The following NLRC4 variants were observed in gnomAD, a reference collection of about 807,000 sequenced individuals.
The protein encoded by NLRC4 is NLR family CARD domain containing 4, also known as NLR family CARD domain-containing protein 4.
A neutral mutation model predicts 79.9 loss-of-function variants in NLRC4; 63 were observed. The ratio of observed to expected loss-of-function variants is 0.79; its 90% CI spans 0.64 to 0.97. The LOEUF (loss-of-function observed/expected upper bound fraction) is 0.97. NLRC4 is among the 50% of genes least tolerant of loss of function. The pLI, the probability that NLRC4 is intolerant of heterozygous loss-of-function variation, is 0.00. For missense variants in NLRC4, 1,074 were observed against 1,215.2 expected, an observed-to-expected ratio of 0.88 and a Z score of 1.73; for synonymous variants, 461 against 456.5, an observed-to-expected ratio of 1.01 and a Z score of -0.12.
At chr2:32,256,481 C>G (rs1289030815) in intron 2 of NLRC4, among the ~76,000 whole-genome samples, 2 of 152,124 alleles carry the variant, frequency 1.3e-5, no homozygotes, top group Non-Finnish European at 2.9e-5. Flanking sequence ...TGTTTCTTCA[C>G]AATGAGCTTG....
intron 8 of NLRC4, among the ~76,000 whole-genome samples, chr2:32,226,190 T>C (rs1686391541): frequency 6.6e-6 from 1 of 152,200 alleles, no homozygotes. Context: ...GTCAACCTAG[T>C]TATGCACTGA....
chr2:32,241,504 G>C (rs1314773794), intron 4 of NLRC4, among the ~76,000 whole-genome samples: 2 of 151,010 alleles, frequency 1.3e-5, no homozygotes, highest in South Asian at 2.1e-4. Flanking sequence ...AGCCTCCCAA[G>C]TAGCTGGGAC....
At chr2:32,257,175 T>C (rs185349442) in intron 1 of NLRC4, among the ~76,000 whole-genome samples, 2 of 152,332 alleles carry the variant, frequency 1.3e-5, no homozygotes, top group Admixed American at 1.3e-4. Flanking sequence ...TGGAATTAAA[T>C]GTCAAAAGAC....
chr2:32,248,177 C>A (rs1686983294), intron 4 of NLRC4, among the ~76,000 whole-genome samples: 1 of 152,154 alleles, frequency 6.6e-6, no homozygotes, highest in Non-Finnish European at 1.5e-5. Flanking sequence ...AACTATATAT[C>A]TAACATTTTC....
chr2:32,264,919 T>G (rs1433683323), upstream of NLRC4: 1 of 152,128 alleles, frequency 6.6e-6, no homozygotes, highest in East Asian at 1.9e-4. Context: ...TTTTTTTTTT[T>G]TCAAAGCACA....
chr2:32,251,349 C>G lies in NLRC4; in HGVS notation c.515G>C (p.Gly172Ala). The change falls in exon 4 of 9, where the codon GGC (glycine) becomes GCC (alanine). Residue 172 changes from glycine to alanine, a missense_variant. Coordinates refer to ENST00000402280, the MANE Select transcript of NLRC4 (RefSeq NM_001199138.2). ...CTGCAGCAGAGTGGACTTGCCTTTG[C>G]CAGATTCCCCTTCAATGATGCAGGG... Reference protein sequence around the residue: ...QSPCIIEGESGKGKSTLLQRI... With the variant: ...QSPCIIEGESAKGKSTLLQRI... 6.2e-7 allele frequency: 1 copy of G among 1,614,112 alleles called. No homozygotes were observed.
chr2:32,246,754 ATTC>A (rs1156703912), intron 4 of NLRC4, among the ~76,000 whole-genome samples: 1 of 152,228 alleles, frequency 6.6e-6, no homozygotes, highest in African/African-American at 2.4e-5. Flanking sequence ...GTTAGACAAT[ATTC>A]CCCAAATCTT....
chr2:32,260,306 G>A (rs944252689), intron 1 of NLRC4, among the ~76,000 whole-genome samples: 4 of 151,520 alleles, frequency 2.6e-5, no homozygotes, highest in African/African-American at 9.7e-5. Context: ...TCAGATTGGG[G>A]CTATCATAAA....
rs755136654 is a variant in NLRC4, at chr2:32,251,083, T to A, written c.781A>T (p.Ile261Phe). 6 of 1,614,036 alleles carry A rather than the reference T, an allele frequency of 3.7e-6. No homozygotes were observed. The East Asian group carries it at 1.3e-4, about 36-fold the overall frequency. The change falls in exon 4 of 9, where the codon ATC becomes TTC. Residue 261 changes from isoleucine to phenylalanine, a missense_variant. Physicochemically the swap from Ile to Phe is conservative, Grantham distance 21 (BLOSUM62 0). Transcript: ENST00000402280. ...TGGTTTTCCTTTATCAGGGCTTCGATTTCTGGGCAGTTCTGGGGCTTGAAT... is the reference window on the plus strand; with the variant it reads ...TGGTTTTCCTTTATCAGGGCTTCGAATTCTGGGCAGTTCTGGGGCTTGAAT... ...NEFKPQNCPE[I>F]EALIKENHRF...
At chr2:32,242,413 G>A (rs1034150994) in intron 4 of NLRC4, among the ~76,000 whole-genome samples, 23 of 152,190 alleles carry the variant, frequency 1.5e-4, no homozygotes, top group African/African-American at 5.3e-4. Context: ...CAACATATAT[G>A]AAATTGACCA....
At chr2:32,248,781 T>A (rs201278606) in intron 4 of NLRC4, among the ~76,000 whole-genome samples, 12 of 151,806 alleles carry the variant, frequency 7.9e-5, no homozygotes, top group African/African-American at 2.7e-4. Flanking sequence ...AAAAAAAAAA[T>A]TTAAAAAGAA....
In NLRC4 at chr2:32,235,555, G is replaced by T. The variant is rs145285650; in HGVS notation, c.2628C>A (p.Asn876Lys). The T allele has an allele frequency of 1.1e-4, 175 of 1,613,380 alleles. 1 individual carries two copies. In the African/African-American group the frequency reaches 2.0e-3, roughly 18 times the overall value. Residue 876 changes from asparagine to lysine, a missense_variant, in exon 8 of 9, where the codon AAC (asparagine) becomes AAA (lysine). Physicochemically the swap from Asn to Lys is moderately conservative, Grantham distance 94 (BLOSUM62 0). Transcript: ENST00000402280. ...EALHELIDRM[N>K]VLEQLTALML... ...TCAGTGCGGTGAGCTGTTCTAGCAC[G>T]TTCATCCTGTCGACTGGAAGAAACA...
At chr2:32,256,999 C>CG in intron 1 of NLRC4, 106 bp from the exon 2 acceptor site, 1 of 490,066 alleles carries the variant, frequency 2.0e-6, no homozygotes, top group Non-Finnish European at 3.7e-6. Context: ...TGACCCAAAC[C>CG]AGAAAAAAAC....
At chr2:32,235,631 G>A (rs2148933809) in intron 7 of NLRC4, 63 bp from the exon 8 acceptor site, 1 of 1,344,580 alleles carries the variant, frequency 7.4e-7, no homozygotes, top group South Asian at 1.2e-5. Flanking sequence ...GAACAAAGGG[G>A]TGTTAGGGGA....
chr2:32,252,441 T>C lies in NLRC4; in HGVS notation c.240A>G (p.Leu80=), dbSNP rs752238600. ...TACTTTGTCCATTCAAGTCCTGAAA[T>C]AGAGGATAGTTCCACTCCTTAAGGG... The part of the protein sequence containing the change: ...LKSLKEWNYP[L]FQDLNGQSLF... The change falls in exon 3 of 9, where the codon CTA becomes CTG. Residue 80 remains leucine (L), a synonymous_variant. Coordinates refer to ENST00000402280, the MANE Select transcript of NLRC4 (RefSeq NM_001199138.2). 21 of 1,609,934 alleles carry C rather than the reference T, an allele frequency of 1.3e-5. No individual in the cohort carries two copies. In the Admixed American group the frequency reaches 2.3e-4, roughly 18 times the overall value.
chr2:32,249,645 G>A lies in NLRC4; in HGVS notation c.2219C>T (p.Thr740Ile), dbSNP rs1687017224. The A allele has an allele frequency of 3.1e-6, 5 of 1,610,950 alleles. No individual in the cohort carries two copies. The highest frequency in any genetic ancestry group is 1.1e-5 in the South Asian group (1 of 90,374). Residue 740 changes from threonine (T) to isoleucine (I), a missense_variant, in exon 4 of 9, where the codon ACC becomes ATC. Transcript: ENST00000402280. ...RHITSVTNLKTLSIHDLQNQR... is the reference protein window; with the variant it reads ...RHITSVTNLKILSIHDLQNQR... ...ATTCTGTAGGTCATGAATACTCAAG[G>A]TTTTCAGGTTTGTTACAGATGTGAT...
intron 8 of NLRC4, 37 bp downstream of exon 8, chr2:32,235,364 A>C: frequency 6.5e-7 from 1 of 1,539,772 alleles, no homozygotes; most frequent in Non-Finnish European, 8.9e-7. Context: ...TTTAAGGGCC[A>C]AATCCAGTTA....
intron 6 of NLRC4, among the ~76,000 whole-genome samples, chr2:32,237,030 A>C (rs1465219449): frequency 1.1e-4 from 16 of 152,216 alleles, no homozygotes; most frequent in Non-Finnish European, 2.9e-5. Flanking sequence ...GACGTGTTTG[A>C]ATGACAAAGA....
intron 2 of NLRC4, among the ~76,000 whole-genome samples, chr2:32,253,627 A>G (rs764300898): frequency 2.0e-5 from 3 of 152,078 alleles, no homozygotes; most frequent in African/African-American, 7.2e-5. Flanking sequence ...GCTACCATCT[A>G]TGTGACCTTG....
Sources: gnomAD v4.1 joint callset for allele counts (sites outside exome capture counted in the v4.1 genomes callset) on GRCh38, gnomAD v4.1.1 for gene constraint, MANE v1.5 for transcripts, NCBI Gene and HGNC (gene_info 2026-07-23, HGNC 2026-07-21) for gene names.